The following TRAF5 variants were observed in gnomAD, a reference collection of about 807,000 sequenced individuals.
TRAF5 encodes the protein TNF receptor-associated factor 5.
A neutral mutation model predicts 64.5 loss-of-function variants in TRAF5; 48 were observed. The observed-to-expected ratio is 0.74, with a 90% CI of 0.59 to 0.95. TRAF5 has a LOEUF of 0.95. TRAF5 is among the 40% of genes least tolerant of loss of function. The pLI, the probability that TRAF5 is intolerant of heterozygous loss-of-function variation, is 0.00. For missense variants in TRAF5, 545 were observed against 662.8 expected (o/e 0.82, Z 1.95); for synonymous variants, 206 against 240.5 (o/e 0.86, Z 1.33).
At chr1:211,362,499 G>A (rs1558145597) in intron 7 of TRAF5, among the ~76,000 whole-genome samples, 1 of 152,004 alleles carries the variant, frequency 6.6e-6, no homozygotes. Context: ...GGCCAACATG[G>A]TGAAACCCCG....
intron 1 of TRAF5, among the ~76,000 whole-genome samples, chr1:211,335,635 A>C (rs1702270014): frequency 6.6e-6 from 1 of 152,192 alleles, no homozygotes; most frequent in South Asian, 2.1e-4. Context: ...AGGCACACAG[A>C]GGCATGGCTG....
intron 4 of TRAF5, chr1:211,359,192 G>A (rs1703091748): frequency 6.6e-6 from 1 of 152,120 alleles, no homozygotes; most frequent in Non-Finnish European, 1.5e-5. Context: ...CTGGCCTTAA[G>A]TGATCCTCCC....
At chr1:211,356,297 T>C in intron 3 of TRAF5, 70 bp from the exon 4 acceptor site, 5 of 1,353,114 alleles carry the variant, frequency 3.7e-6, no homozygotes, top group Non-Finnish European at 5.2e-6. Context: ...GAAGACCAAA[T>C]TAGTAATAGC....
In TRAF5 at chr1:211,356,422, G is replaced by A. The variant is rs143951452; in HGVS notation, c.332G>A (p.Ser111Asn). The change falls in exon 4 of 11, where the codon AGC becomes AAC. Residue 111 changes from serine (S) to asparagine (N), a missense_variant. Physicochemically the swap from Ser to Asn is conservative, Grantham distance 46 (BLOSUM62 1). Coordinates refer to ENST00000261464, the MANE Select transcript of TRAF5 (RefSeq NM_001033910.3). ...GTCCTCAACTTATATGTATATTGCA[G>A]CAATGCTCCTGGATGTAATGCCAAG... Reference protein sequence around the residue: ...REVLNLYVYCSNAPGCNAKVI... With the variant: ...REVLNLYVYCNNAPGCNAKVI... The A allele has an allele frequency of 3.1e-6, 5 of 1,614,078 alleles. No homozygotes were observed. The African/African-American group carries it at 6.7e-5, about 22-fold the overall frequency.
At chr1:211,361,847 C>T (rs577411420) in intron 7 of TRAF5, among the ~76,000 whole-genome samples, 1 of 151,978 alleles carries the variant, frequency 6.6e-6, no homozygotes, top group East Asian at 1.9e-4. Context: ...CAGGCACCCG[C>T]CATCATGCCT....
At chr1:211,330,592 G>A (rs1438712238) in intron 1 of TRAF5, among the ~76,000 whole-genome samples, 1 of 152,070 alleles carries the variant, frequency 6.6e-6, no homozygotes, top group Admixed American at 6.6e-5. Context: ...TCACTGACAA[G>A]CTTCTGTAAA....
chr1:211,358,857 A>G (rs1703076950), intron 4 of TRAF5: 1 of 148,404 alleles, frequency 6.7e-6, no homozygotes, highest in Admixed American at 6.8e-5. Context: ...TATTGTTTAT[A>G]ATAAATACAT....
rs1478905146 is a variant in TRAF5, at chr1:211,372,373, A to G, written c.1345A>G (p.Asn449Asp). The G allele has an allele frequency of 3.1e-6, 5 of 1,613,948 alleles. No individual in the cohort carries two copies. The South Asian group carries it at 5.5e-5, about 18-fold the overall frequency. ...GYRLCARAYL[N>D]GDGSGRGSHL... ...CCGGCTCTGTGCTAGAGCATACCTGAATGGGGATGGGTCAGGGAGGGGGTC... is the reference window on the plus strand; with the variant it reads ...CCGGCTCTGTGCTAGAGCATACCTGGATGGGGATGGGTCAGGGAGGGGGTC... Residue 449 changes from asparagine (N) to aspartate (D), a missense_variant, in exon 11 of 11, where the codon AAT becomes GAT. Coordinates refer to ENST00000261464, the MANE Select transcript of TRAF5 (RefSeq NM_001033910.3).
In TRAF5 at chr1:211,360,130, T is replaced by C. The variant is rs1349786004; in HGVS notation, c.543+54T>C. 5 of 1,536,280 alleles carry C rather than the reference T, an allele frequency of 3.3e-6. No individual in the cohort carries two copies. In the African/African-American group the frequency reaches 5.5e-5, roughly 17 times the overall value. ...TTTATGGAGCTAAATTATGCCTGAG[T>C]GGTCACAGTGAATCAGGTGGAATGC... On this transcript the variant is annotated intron_variant, in intron 5 of 10. Coordinates refer to ENST00000261464, the MANE Select transcript of TRAF5 (RefSeq NM_001033910.3).
chr1:211,359,789 C>T, intron 4 of TRAF5, 123 bp from the exon 5 acceptor site: 1 of 1,146,906 alleles, frequency 8.7e-7, no homozygotes, highest in Middle Eastern at 2.9e-4. Flanking sequence ...TCTGCCTTGC[C>T]CTGTGCAAGC....
rs748410744 is a variant in TRAF5, at chr1:211,360,000, A to G, written c.467A>G (p.His156Arg). Residue 156 changes from histidine to arginine, a missense_variant, in exon 5 of 11, where the codon CAT (histidine) becomes CGT (arginine). Physicochemically the swap from His to Arg is conservative, Grantham distance 29 (BLOSUM62 0). Coordinates refer to ENST00000261464, the MANE Select transcript of TRAF5 (RefSeq NM_001033910.3). The part of the protein sequence containing the change: ...EPVLRKDLKE[H>R]LSASCQFRKE... ...GTCCTACGGAAAGACCTGAAAGAGC[A>G]TTTGAGTGCATCCTGTCAGTTTCGA... 1.1e-5 allele frequency: 18 copies of G among 1,614,154 alleles called. No individual in the cohort carries two copies. Among genetic ancestry groups the G allele is most frequent in the Non-Finnish European group, 1.5e-5 (18 of 1,179,992 alleles).
chr1:211,360,955 A>G (rs1470763454), intron 6 of TRAF5, 133 bp from the exon 7 acceptor site: 5 of 1,030,542 alleles, frequency 4.9e-6, no homozygotes, highest in East Asian at 2.5e-5. Flanking sequence ...AACTTTCATC[A>G]TAGCTCTTTC....
intron 1 of TRAF5, among the ~76,000 whole-genome samples, chr1:211,335,768 G>C (rs569308042): frequency 6.6e-6 from 1 of 152,300 alleles, no homozygotes; most frequent in East Asian, 1.9e-4. Flanking sequence ...TAGGGTGAAG[G>C]CTGTAAGGGG....
chr1:211,372,074 A>G (rs1182769268), intron 10 of TRAF5, 54 bp from the exon 11 acceptor site: 3 of 1,459,766 alleles, frequency 2.1e-6, no homozygotes, highest in Middle Eastern at 2.3e-4. Context: ...GGAAAATTTT[A>G]AAGATAACTT....
chr1:211,370,013 T>C (rs1376830337), intron 9 of TRAF5, among the ~76,000 whole-genome samples: 3 of 152,216 alleles, frequency 2.0e-5, no homozygotes, highest in Non-Finnish European at 4.4e-5. Flanking sequence ...ATTGATACAA[T>C]GCTTCTATAT....
intron 1 of TRAF5, among the ~76,000 whole-genome samples, chr1:211,351,017 G>C (rs1399969880): frequency 6.8e-6 from 1 of 146,068 alleles, no homozygotes; most frequent in East Asian, 2.0e-4. Flanking sequence ...TGCTCTCTCT[G>C]TCTCTGGCCT....
intron 1 of TRAF5, among the ~76,000 whole-genome samples, chr1:211,348,277 G>T (rs555902145): frequency 1.6e-4 from 24 of 152,118 alleles, no homozygotes; most frequent in African/African-American, 5.8e-4. Context: ...TTTGGAAAAT[G>T]GTTATTTTTC....
rs1703582247 is a variant in TRAF5 at position 211,372,777 on chromosome 1, A to G, written c.*75A>G. ...GAGAGCACATTTGATTATCATATTG[A>G]CCTGGATTTAGACTCAAAGCACATT... On this transcript the variant is annotated 3_prime_UTR_variant, in exon 11 of 11. Transcript: ENST00000261464. The G allele has an allele frequency of 1.5e-6, 2 of 1,342,332 alleles. No individual in the cohort carries two copies. The highest frequency in any genetic ancestry group is 1.5e-5 in the African/African-American group (1 of 68,540). 83.2% of individuals were successfully genotyped at this position (1,342,332 alleles called of 1,614,324 possible). A position where few individuals can be genotyped will look rare whatever the true frequency, so the allele number is the denominator to read the frequency against.
chr1:211,369,078 T>A (rs181726504), intron 8 of TRAF5: 192 of 155,128 alleles, frequency 1.2e-3, no homozygotes, highest in Non-Finnish European at 2.3e-3. Flanking sequence ...CAAGTGATCC[T>A]CCCCATCAGC....
Sources: gnomAD v4.1 joint callset for allele counts (sites outside exome capture counted in the v4.1 genomes callset) on GRCh38, gnomAD v4.1.1 for gene constraint, MANE v1.5 for transcripts, NCBI Gene and HGNC (gene_info 2026-07-23, HGNC 2026-07-21) for gene names.